The following KIF16B variants were observed in gnomAD, a reference collection of about 807,000 sequenced individuals.
The protein encoded by KIF16B is kinesin-like protein KIF16B.
A neutral mutation model predicts 156.3 loss-of-function variants in KIF16B; 98 were observed. That is an observed-to-expected ratio of 0.63 (90% CI 0.53 to 0.74). The LOEUF is 0.74. Ranked by LOEUF, KIF16B falls within the 30% of genes least tolerant of loss-of-function variation. The pLI, the probability that KIF16B is intolerant of heterozygous loss-of-function variation, is 0.00. For missense variants in KIF16B, 1,421 were observed against 1,606.5 expected (o/e 0.88, Z 1.97); for synonymous variants, 564 against 583.7 (o/e 0.97, Z 0.49).
chr20:16,382,153 G>T, intron 17 of KIF16B: 1 of 1,316,518 alleles, frequency 7.6e-7, no homozygotes, highest in Non-Finnish European at 1.0e-6. Flanking sequence ...TGGAGAGAGA[G>T]AGAGAAAGAG....
chr20:16,361,292 G>A (rs2064547626), intron 22 of KIF16B, among the ~76,000 whole-genome samples: 1 of 152,146 alleles, frequency 6.6e-6, no homozygotes, highest in African/African-American at 2.4e-5. Context: ...GAAGATTTGG[G>A]GAAAGAGACA....
chr20:16,513,098 A>G (rs1214514602), intron 4 of KIF16B, among the ~76,000 whole-genome samples, 175 bp from the exon 5 acceptor site: 3 of 152,234 alleles, frequency 2.0e-5, no homozygotes, highest in Non-Finnish European at 4.4e-5. Context: ...CTGAAATGAG[A>G]TGATTGAGCC....
intron 25 of KIF16B, among the ~76,000 whole-genome samples, chr20:16,304,806 T>C (rs564697572): frequency 6.6e-6 from 1 of 152,260 alleles, no homozygotes; most frequent in East Asian, 1.9e-4. Flanking sequence ...CCAAAAAGGC[T>C]CAATCTATAA....
At chr20:16,509,896 C>T (rs1033134841) in intron 6 of KIF16B, among the ~76,000 whole-genome samples, 3 of 152,098 alleles carry the variant, frequency 2.0e-5, no homozygotes, top group African/African-American at 7.2e-5. Flanking sequence ...TTTTTAAAAG[C>T]CTTCTTTCCT....
intron 22 of KIF16B, among the ~76,000 whole-genome samples, chr20:16,357,339 TCACCC>T (rs2064463642): frequency 6.6e-6 from 1 of 152,170 alleles, no homozygotes; most frequent in South Asian, 2.1e-4. Context: ...TAACCATTAT[TCACCC>T]TATTTATCAG....
Position 16,371,683 on chromosome 20 carries a change from T to G in KIF16B, c.3429A>C (p.Thr1143=). The G allele has an allele frequency of 1.2e-6, 2 of 1,609,556 alleles. No individual in the cohort carries two copies. Among genetic ancestry groups the G allele is most frequent in the South Asian group, 1.1e-5 (1 of 90,944 alleles). The change falls in exon 21 of 26, where the codon ACA becomes ACC. Residue 1143 remains threonine (T), a synonymous_variant. Coordinates refer to ENST00000354981, the MANE Select transcript of KIF16B (RefSeq NM_024704.5). ...LHRVISEGCS[T]SADTMKDNEK... is the part of the protein sequence containing the mutation. Reference sequence around the variant, plus strand: ...AGCTTACCTTCATCGTGTCTGCAGATGTACTGCAGCCTTCACTAATCACAC... The same window carrying G: ...AGCTTACCTTCATCGTGTCTGCAGAGGTACTGCAGCCTTCACTAATCACAC...
chr20:16,497,015 TAA>T (rs771279827), intron 11 of KIF16B, among the ~76,000 whole-genome samples: 1 of 146,536 alleles, frequency 6.8e-6, no homozygotes, highest in Admixed American at 6.8e-5. Flanking sequence ...CACAGAAGTT[TAA>T]AAAAAAAAAA....
chr20:16,533,694 T>C (rs1223042307), intron 1 of KIF16B, among the ~76,000 whole-genome samples: 1 of 152,206 alleles, frequency 6.6e-6, no homozygotes, highest in Admixed American at 6.5e-5. Flanking sequence ...ATGAGAGATG[T>C]CATGTGAATG....
At chr20:16,361,835 A>C (rs1027390857) in intron 22 of KIF16B, among the ~76,000 whole-genome samples, 13 of 152,204 alleles carry the variant, frequency 8.5e-5, no homozygotes, top group Non-Finnish European at 1.9e-4. Flanking sequence ...TCTTCTACAT[A>C]GATCTGAGCC....
intron 17 of KIF16B, among the ~76,000 whole-genome samples, chr20:16,397,820 A>G (rs6131818): frequency 0.49 from 73,875 of 152,122 alleles, 19,071 homozygotes; most frequent in East Asian, 0.69. Flanking sequence ...GTGGAGATAG[A>G]AAACAGCACA....
intron 1 of KIF16B, among the ~76,000 whole-genome samples, chr20:16,530,280 C>A (rs536044124): frequency 6.6e-6 from 1 of 152,204 alleles, no homozygotes. Context: ...GATCCTTGCC[C>A]TTGACTATGG....
At chr20:16,318,641 G>A (rs1173561887) in intron 24 of KIF16B, among the ~76,000 whole-genome samples, 1 of 152,114 alleles carries the variant, frequency 6.6e-6, no homozygotes, top group African/African-American at 2.4e-5. Flanking sequence ...AGTATTGGTG[G>A]ATAACCCAAA....
chr20:16,289,320 T>C (rs780147947), intron 25 of KIF16B, among the ~76,000 whole-genome samples: 2 of 152,180 alleles, frequency 1.3e-5, no homozygotes, highest in Non-Finnish European at 1.5e-5. Flanking sequence ...CCAGAGTTGA[T>C]ACTGTCTATA....
At chr20:16,472,052 G>A (rs767789097) in intron 12 of KIF16B, among the ~76,000 whole-genome samples, 12 of 152,130 alleles carry the variant, frequency 7.9e-5, no homozygotes, top group East Asian at 1.9e-4. Context: ...AGCTACTGTC[G>A]TCTATTGAGC....
intron 12 of KIF16B, among the ~76,000 whole-genome samples, chr20:16,467,151 A>C (rs186534842): frequency 6.6e-6 from 1 of 152,230 alleles, no homozygotes; most frequent in South Asian, 2.1e-4. Context: ...AAATAACCCA[A>C]CTTCAGCTCC....
chr20:16,329,267 G>A (rs920966323), intron 24 of KIF16B, among the ~76,000 whole-genome samples: 18 of 152,056 alleles, frequency 1.2e-4, no homozygotes, highest in Non-Finnish European at 2.6e-4. Context: ...TGTTTTGCTG[G>A]ACTCTTGGAT....
chr20:16,323,779 G>C (rs890535065), intron 24 of KIF16B, among the ~76,000 whole-genome samples: 13 of 151,832 alleles, frequency 8.6e-5, no homozygotes, highest in African/African-American at 2.9e-4. Flanking sequence ...GAAGCAGCCA[G>C]TGATTAAAGT....
intron 12 of KIF16B, among the ~76,000 whole-genome samples, chr20:16,451,164 A>G (rs2067069996): frequency 6.6e-6 from 1 of 152,214 alleles, no homozygotes; most frequent in Non-Finnish European, 1.5e-5. Flanking sequence ...ACTGAAATAG[A>G]GCAAGTCGTT....
At chr20:16,441,226 T>C (rs1568537094) in intron 12 of KIF16B, among the ~76,000 whole-genome samples, 1 of 152,156 alleles carries the variant, frequency 6.6e-6, no homozygotes, top group Non-Finnish European at 1.5e-5. Flanking sequence ...CAGTCTGACA[T>C]TGGCCTTACA....
Sources: allele counts gnomAD v4.1 joint callset (sites outside exome capture counted in the v4.1 genomes callset), GRCh38; gene constraint gnomAD v4.1.1; transcripts MANE v1.5; gene names NCBI Gene and HGNC (gene_info 2026-07-23, HGNC 2026-07-21).